Variants in NT5DC2 observed in about 807,000 individuals in gnomAD.
The protein encoded by NT5DC2 is 5'-nucleotidase domain-containing protein 2.
In NT5DC2, 41 loss-of-function variants were observed where a neutral mutation model predicts 70.0. The ratio of observed to expected loss-of-function variants is 0.59; its 90% CI spans 0.46 to 0.76. The LOEUF (loss-of-function observed/expected upper bound fraction) is 0.76. Among genes scored for constraint, NT5DC2 ranks in the 30% least tolerant of loss-of-function variants. The pLI, the probability that NT5DC2 is intolerant of heterozygous loss-of-function variation, is 0.00. For missense variants in NT5DC2, 705 were observed against 783.2 expected (o/e 0.90, Z 1.19); for synonymous variants, 299 against 310.4 (o/e 0.96, Z 0.39).
chr3:52,533,861 T>C (rs1157189651), upstream of NT5DC2: 1 of 977,402 alleles, frequency 1.0e-6, no homozygotes, highest in African/African-American at 1.8e-5. Flanking sequence ...GGCCAATGGG[T>C]GCGGCGCGCG....
At chr3:52,532,085 T>C (rs1178356835) in intron 1 of NT5DC2, 2 of 685,874 alleles carry the variant, frequency 2.9e-6, no homozygotes, top group East Asian at 2.7e-4. Context: ...CCTGTTGCAC[T>C]GCTCTCAGCC....
chr3:52,533,504 A>C lies in NT5DC2; in HGVS notation c.232+2T>G. 1 of 1,495,346 alleles carries C rather than the reference A, an allele frequency of 6.7e-7. No individual in the cohort carries two copies. The highest frequency in any genetic ancestry group is 8.9e-7 in the Non-Finnish European group (1 of 1,124,708). 92.6% of individuals were successfully genotyped at this position (1,495,346 alleles called of 1,614,324 possible). On this transcript the variant is annotated splice_donor_variant, in intron 1 of 13. Coordinates refer to ENST00000422318, the MANE Select transcript of NT5DC2 (RefSeq NM_001134231.2). LOFTEE classifies it high-confidence loss of function. Reference sequence around the variant, plus strand: ...GCGCACGTCCCGCCCCGGCTCACCCACCGTGCACCAGTCTCCGCATGTCCT... The same window carrying C: ...GCGCACGTCCCGCCCCGGCTCACCCCCCGTGCACCAGTCTCCGCATGTCCT...
chr3:52,525,078 C>T lies in NT5DC2; in HGVS notation c.1232G>A (p.Arg411His), dbSNP rs765290666. The T allele has an allele frequency of 4.7e-6, 7 of 1,484,504 alleles. No individual in the cohort carries two copies. The highest frequency in any genetic ancestry group is 2.3e-5 in the South Asian group (2 of 87,082). The allele number at this position is 1,484,504 out of a possible 1,614,324, so 92.0% of individuals were successfully genotyped here. ...LADLMLRHGWRTGAIIPELER... is the reference protein window; with the variant it reads ...LADLMLRHGWHTGAIIPELER... ...CAGCTCGGGGATGATGGCGCCTGTG[C>T]GCCAGCCGTGCCGCAGCATGAGATC... is the stretch of plus-strand genomic sequence containing the variant. Residue 411 changes from arginine to histidine, a missense_variant, in exon 12 of 14, where the codon CGC (arginine) becomes CAC (histidine). Arg to His is a conservative substitution (Grantham distance 29). Coordinates refer to ENST00000422318, the MANE Select transcript of NT5DC2 (RefSeq NM_001134231.2).
chr3:52,526,729 A>G (rs1402938616), intron 10 of NT5DC2, among the ~76,000 whole-genome samples: 1 of 152,206 alleles, frequency 6.6e-6, no homozygotes, highest in Non-Finnish European at 1.5e-5. Flanking sequence ...GTGTGATCAC[A>G]GCTCACCACA....
chr3:52,527,575 T>C, intron 9 of NT5DC2, 42 bp downstream of exon 9: 1 of 1,598,126 alleles, frequency 6.3e-7, no homozygotes. Context: ...GTGGGGCCTC[T>C]ATTCCCCTTC....
At chr3:52,527,799 T>G (rs2079300377) in intron 8 of NT5DC2, 30 bp downstream of exon 8, 2 of 1,611,902 alleles carry the variant, frequency 1.2e-6, no homozygotes, top group Non-Finnish European at 1.7e-6. Context: ...CTGGCCCTGC[T>G]GTCCCTCCAT....
rs1202510024 is a variant in NT5DC2, at chr3:52,524,796, GC to G, written c.1412+20del. On this transcript the variant is annotated intron_variant, in intron 13 of 13. Transcript: ENST00000422318. ...GGGTGGTGGCTTGGCTGGGACTCCT[GC>G]CCTGGCCCCACCTGCTCACCTCAGC... 6.2e-7 allele frequency: 1 copy of G among 1,612,398 alleles called. No individual in the cohort carries two copies. Among genetic ancestry groups the G allele is most frequent in the Non-Finnish European group, 8.5e-7 (1 of 1,179,984 alleles).
At chr3:52,533,940 G>T (rs1284784447), upstream of NT5DC2, 3 of 637,302 alleles carry the variant, frequency 4.7e-6, no homozygotes, top group Non-Finnish European at 5.8e-6. Flanking sequence ...GGCGGGGCGG[G>T]GCGGGGCGGG....
upstream of NT5DC2, chr3:52,533,875 C>T (rs1220729646): frequency 9.2e-6 from 9 of 973,616 alleles, no homozygotes; most frequent in Non-Finnish European, 1.1e-5. Context: ...GCGCGCGGAG[C>T]CCGGCCTGCC....
At chr3:52,533,909 G>A, upstream of NT5DC2, 1 of 882,480 alleles carries the variant, frequency 1.1e-6, no homozygotes, top group Non-Finnish European at 1.4e-6. Flanking sequence ...CTCGGCCCGG[G>A]GGGCGGGAGG....
intron 13 of NT5DC2, 28 bp downstream of exon 13, chr3:52,524,789 G>GA (rs1287225466): frequency 1.2e-5 from 20 of 1,612,406 alleles, no homozygotes; most frequent in Non-Finnish European, 1.5e-5. Context: ...GCTTGGCTGG[G>GA]ACTCCTGCCC....
chr3:52,533,803 C>A lies in NT5DC2; in HGVS notation c.-66G>T. The A allele has an allele frequency of 1.0e-6, 1 of 977,962 alleles. No homozygotes were observed. The highest frequency in any genetic ancestry group is 4.6e-5 in the South Asian group (1 of 21,920). The allele number at this position is 977,962 out of a possible 1,614,324, so 60.6% of individuals were successfully genotyped here. On this transcript the variant is annotated 5_prime_UTR_variant, in exon 1 of 14. The change creates a new upstream start codon in the 5' untranslated region. Transcript: ENST00000422318. ...AGCCCGCCGCCCGCCGCCCGCCGCCCTCCGACTGCGCGCCCGCCACGGTGG... is the reference window on the plus strand; with the variant it reads ...AGCCCGCCGCCCGCCGCCCGCCGCCATCCGACTGCGCGCCCGCCACGGTGG...
At chr3:52,528,590 G>A in intron 4 of NT5DC2, 47 bp downstream of exon 4, 1 of 1,587,128 alleles carries the variant, frequency 6.3e-7, no homozygotes. Context: ...AGCCAGAACA[G>A]CAGTGTAGGG....
chr3:52,527,200 G>C, intron 10 of NT5DC2, 94 bp downstream of exon 10: 1 of 1,189,066 alleles, frequency 8.4e-7, no homozygotes, highest in South Asian at 1.3e-5. Flanking sequence ...CCAAGGAGCT[G>C]TGCTGCTTCT....
intron 1 of NT5DC2, 94 bp downstream of exon 1, chr3:52,533,412 G>C (rs2079386718): frequency 7.6e-7 from 1 of 1,315,330 alleles, no homozygotes; most frequent in Admixed American, 2.5e-5. Context: ...GCCCCACTGG[G>C]TGTTTCCCCG....
Position 52,524,812 on chromosome 3 carries a change from C to A in NT5DC2, c.1412+5G>T. 1 of 1,612,532 alleles carries A rather than the reference C, an allele frequency of 6.2e-7. No individual in the cohort carries two copies. The highest frequency in any genetic ancestry group is 1.3e-5 in the African/African-American group (1 of 75,034). ...GGGACTCCTGCCCTGGCCCCACCTG[C>A]TCACCTCAGCTCCTGCCGCTCTTTC... is the stretch of plus-strand genomic sequence containing the variant. On this transcript the variant is annotated splice_donor_5th_base_variant and intron_variant, in intron 13 of 13. Coordinates refer to ENST00000422318, the MANE Select transcript of NT5DC2 (RefSeq NM_001134231.2).
Position 52,524,954 on chromosome 3 carries a change from G to A in NT5DC2, c.1347+9C>T, listed in dbSNP as rs1198856857. 3.1e-6 allele frequency: 5 copies of A among 1,612,058 alleles called. No individual in the cohort carries two copies. The Admixed American group carries it at 6.7e-5, about 22-fold the overall frequency. On this transcript the variant is annotated intron_variant, in intron 12 of 13. Coordinates refer to ENST00000422318, the MANE Select transcript of NT5DC2 (RefSeq NM_001134231.2). ...GCCCTGGCCCTCCCACAGCCACCCC[G>A]GCCCACACCTGCATGCGCTCCAGCA...
At position 52,527,692 on chromosome 3, in the gene NT5DC2, C is replaced by T; in HGVS notation, c.962G>A (p.Gly321Asp). Residue 321 changes from glycine to aspartate, a missense_variant, in exon 9 of 14, where the codon GGT becomes GAT. Gly to Asp is a moderately conservative substitution (Grantham distance 94). Transcript: ENST00000422318. Reference protein sequence around the residue: ...FVDKGMRHMVGPDWRQLFDVV... With the variant: ...FVDKGMRHMVDPDWRQLFDVV... Reference sequence around the variant, plus strand: ...ATCGAAGAGCTGGCGCCAATCGGGACCCACCATGTGCCGCATCCCCTTGTC... The same window carrying T: ...ATCGAAGAGCTGGCGCCAATCGGGATCCACCATGTGCCGCATCCCCTTGTC... The T allele has an allele frequency of 1.2e-6, 2 of 1,613,242 alleles. No homozygotes were observed. The highest frequency in any genetic ancestry group is 1.7e-6 in the Non-Finnish European group (2 of 1,180,020).
intron 1 of NT5DC2, among the ~76,000 whole-genome samples, 155 bp downstream of exon 1, chr3:52,533,351 G>A (rs567191333): frequency 1.3e-5 from 2 of 152,036 alleles, no homozygotes; most frequent in East Asian, 3.9e-4. Context: ...ATGAACGGCC[G>A]GAGCTTCTCG....
Sources: allele counts gnomAD v4.1 joint callset (sites outside exome capture counted in the v4.1 genomes callset), GRCh38; gene constraint gnomAD v4.1.1; transcripts MANE v1.5; gene names NCBI Gene and HGNC (gene_info 2026-07-23, HGNC 2026-07-21).